Variants in ABCA7 observed in about 807,000 individuals in gnomAD.
ABCA7 encodes ATP binding cassette subfamily A member 7.
A neutral mutation model predicts 227.6 loss-of-function variants in ABCA7; 261 were observed. That is an observed-to-expected ratio of 1.15 (90% CI 1.04 to 1.27). The LOEUF is 1.27. Among genes scored for constraint, ABCA7 ranks in the 50% most tolerant of loss-of-function variants. The pLI is 0.00. For synonymous variants in ABCA7, 1,488 were observed against 1,279.7 expected, an observed-to-expected ratio of 1.16 and a Z score of -3.47; for missense variants, 3,331 against 2,924.5, an observed-to-expected ratio of 1.14 and a Z score of -3.21.
rs2040263147 is a variant in ABCA7, at chr19:1,043,475, T to TG, written c.930+7dup. On this transcript the variant is annotated splice_region_variant and intron_variant, in intron 9 of 46. Transcript: ENST00000263094. ...TTTACCCGGAAGCTCATGGCCCAGGTGGGGGCAGCCTGGATGCTGGGGTGG... is the reference window on the plus strand; with the variant it reads ...TTTACCCGGAAGCTCATGGCCCAGGTGGGGGGCAGCCTGGATGCTGGGGTGG... 1.9e-6 allele frequency: 3 copies of TG among 1,612,580 alleles called. No individual in the cohort carries two copies. Among genetic ancestry groups the TG allele is most frequent in the Non-Finnish European group, 2.5e-6 (3 of 1,179,828 alleles).
At position 1,043,932 on chromosome 19, in the gene ABCA7, C is replaced by A. The variant is rs118021271; in HGVS notation, c.1047+91C>A. On this transcript the variant is annotated intron_variant, in intron 10 of 46. Coordinates refer to ENST00000263094, the MANE Select transcript of ABCA7 (RefSeq NM_019112.4). ...ATGGGAAGGTGGGCTCCGTGCAGAC[C>A]CCCACTTTTTTTTTTTTTTTTTTGA... 4 of 1,059,186 alleles carry A rather than the reference C, an allele frequency of 3.8e-6. No individual in the cohort carries two copies. The African/African-American group carries it at 4.9e-5, about 13-fold the overall frequency. The allele number at this position is 1,059,186 out of a possible 1,614,324, so 65.6% of individuals were successfully genotyped here.
intron 10 of ABCA7, 128 bp from the exon 11 acceptor site, chr19:1,044,449 T>G: frequency 9.1e-7 from 1 of 1,100,862 alleles, no homozygotes; most frequent in East Asian, 2.5e-5. Context: ...GCTTTCACCA[T>G]GTTGGCCAGG....
intron 6 of ABCA7, 165 bp downstream of exon 6, chr19:1,042,562 T>C (rs1331603040): frequency 9.6e-7 from 1 of 1,038,566 alleles, no homozygotes; most frequent in Admixed American, 2.0e-5. Context: ...ACAGAGTGTG[T>C]CTGACCCAGT....
chr19:1,059,071 A>G lies in ABCA7; in HGVS notation c.5449A>G (p.Ile1817Val), dbSNP rs1257579951. 6.2e-7 allele frequency: 1 copy of G among 1,613,310 alleles called. No homozygotes were observed. The highest frequency in any genetic ancestry group is 1.1e-5 in the South Asian group (1 of 90,992). ...MPAVDRLCLGIPPGECFGLLG... is the reference protein window; with the variant it reads ...MPAVDRLCLGVPPGECFGLLG... ...AGCTGTTGACCGCTTGTGCCTGGGG[A>G]TTCCCCCTGGTGAGGTGAGTCCAGG... Residue 1817 changes from isoleucine (I) to valine (V), a missense_variant, in exon 40 of 47, where the codon ATT (isoleucine) becomes GTT (valine). Physicochemically the swap from Ile to Val is conservative, Grantham distance 29. Transcript: ENST00000263094.
chr19:1,052,145 C>T lies in ABCA7; in HGVS notation c.3147+19C>T, dbSNP rs947996808. On this transcript the variant is annotated intron_variant, in intron 22 of 46. Coordinates refer to ENST00000263094, the MANE Select transcript of ABCA7 (RefSeq NM_019112.4). The stretch of plus-strand genomic sequence containing the variant: ...TGAGAAGGTGGGGACCGGCCTTCTC[C>T]TGACCCCTGACCCCCGGGACTCTGT... 11 of 1,610,618 alleles carry T rather than the reference C, an allele frequency of 6.8e-6. No individual in the cohort carries two copies. The highest frequency in any genetic ancestry group is 5.4e-5 in the African/African-American group (4 of 74,666).
In ABCA7 at chr19:1,054,062, C is replaced by CG. The variant is rs2042022122; in HGVS notation, c.3531dup (p.Leu1178AlafsTer23). ...CATTGCTGGCCTAGACGTAACCCTA[C>CG]GGCTCAAGATGCCGCCACAGGAGAC... On this transcript the variant is annotated frameshift_variant, in exon 26 of 47. Transcript: ENST00000263094. LOFTEE classifies it high-confidence loss of function. This position sits in a 1 kb window ranked among gnomAD's most constrained non-coding sequence, Gnocchi z 4.8. The CG allele has an allele frequency of 1.2e-6, 2 of 1,613,198 alleles. No individual in the cohort carries two copies.
rs1174691575 is a variant in ABCA7 at position 1,058,957 on chromosome 19, C to T, written c.5400+17C>T. 5 of 1,610,530 alleles carry T rather than the reference C, an allele frequency of 3.1e-6. No homozygotes were observed. The highest frequency in any genetic ancestry group is 3.4e-6 in the Non-Finnish European group (4 of 1,177,720). ...TTGACCAAGGTAGGTGTGGTCAGGTCGACTGCTGGGTGGGGGGTGCTCCCA... is the reference window on the plus strand; with the variant it reads ...TTGACCAAGGTAGGTGTGGTCAGGTTGACTGCTGGGTGGGGGGTGCTCCCA... On this transcript the variant is annotated intron_variant, in intron 39 of 46. Coordinates refer to ENST00000263094, the MANE Select transcript of ABCA7 (RefSeq NM_019112.4).
chr19:1,054,405 C>A lies in ABCA7; in HGVS notation c.3726+64C>A. On this transcript the variant is annotated intron_variant, in intron 27 of 46. Transcript: ENST00000263094. The surrounding 1 kb of genome is among the most constrained non-coding windows in gnomAD (Gnocchi z 4.8). ...CTGAGTTCCCTACCCTGGCCGTCCA[C>A]TCAGTGGCCTAATCCAAACCCTTAC... 6.4e-7 allele frequency: 1 copy of A among 1,555,638 alleles called. No individual in the cohort carries two copies.
Position 1,056,406 on chromosome 19 carries a change from A to G in ABCA7, c.4493A>G (p.His1498Arg). Reference protein sequence around the residue: ...NRASNAILRAHLPPGPARHAH... With the variant: ...NRASNAILRARLPPGPARHAH... ...GCCAGCAACGCAATCCTCCGTGCTC[A>G]CCTGCCCCCAGGCCCGGCCCGCCAC... Residue 1498 changes from histidine to arginine, a missense_variant, in exon 33 of 47, where the codon CAC becomes CGC. By Grantham distance (29) the His-to-Arg change is conservative (BLOSUM62 0). Transcript: ENST00000263094. This position sits in a 1 kb window ranked among gnomAD's most constrained non-coding sequence, Gnocchi z 4.3. The G allele has an allele frequency of 6.2e-7, 1 of 1,613,070 alleles. No homozygotes were observed. Among genetic ancestry groups the G allele is most frequent in the South Asian group, 1.1e-5 (1 of 91,050 alleles).
At chr19:1,059,637 C>T (rs1391249766) in intron 40 of ABCA7, among the ~76,000 whole-genome samples, 1 of 147,852 alleles carries the variant, frequency 6.8e-6, no homozygotes, top group African/African-American at 2.5e-5. Context: ...GATCTCGGCT[C>T]ACTACAAGCT....
In ABCA7 at chr19:1,056,257, G is replaced by A; in HGVS notation, c.4416+14G>A. ...GACAGTCTCAAGGTGGGAACTGGGG[G>A]GGCAGGTGGGCGTCCTGTCACAGCA... On this transcript the variant is annotated intron_variant, in intron 32 of 46. Coordinates refer to ENST00000263094, the MANE Select transcript of ABCA7 (RefSeq NM_019112.4). This position sits in a 1 kb window ranked among gnomAD's most constrained non-coding sequence, Gnocchi z 4.3. 1 of 1,589,342 alleles carries A rather than the reference G, an allele frequency of 6.3e-7. No individual in the cohort carries two copies. The highest frequency in any genetic ancestry group is 8.6e-7 in the Non-Finnish European group (1 of 1,166,162).
rs747414614 is a variant in ABCA7, at chr19:1,055,340, G to C, written c.4194G>C (p.Leu1398=). ...SDFLVKTYPR[L]VRQGLKTKKW... is the part of the protein sequence containing the mutation. ...TCCTGGTCAAGACCTACCCGCGCCT[G>C]GTGCGCCAGGGGTGAGCCATGCCCT... Residue 1398 remains leucine (L), a synonymous_variant, in exon 30 of 47, where the codon CTG becomes CTC. Coordinates refer to ENST00000263094, the MANE Select transcript of ABCA7 (RefSeq NM_019112.4). 3.0e-5 allele frequency: 48 copies of C among 1,586,032 alleles called. No homozygotes were observed. The highest frequency in any genetic ancestry group is 3.3e-5 in the Non-Finnish European group (38 of 1,168,758).
chr19:1,050,939 C>T lies in ABCA7; in HGVS notation c.2571C>T (p.Leu857=), dbSNP rs748767068. Residue 857 remains leucine, a synonymous_variant, in exon 19 of 47, where the codon CTC becomes CTT. Transcript: ENST00000263094. The part of the protein sequence containing the change: ...KTTTLSILSG[L]FPPSGGSAFI... ...TCCACAGGTCCATCTTGAGTGGCCT[C>T]TTCCCACCCAGTGGTGGCTCTGCCT... 8 of 1,609,566 alleles carry T rather than the reference C, an allele frequency of 5.0e-6. No homozygotes were observed. The highest frequency in any genetic ancestry group is 6.8e-6 in the Non-Finnish European group (8 of 1,178,092).
chr19:1,041,423 A>T lies in ABCA7; in HGVS notation c.62A>T (p.Gln21Leu). 1.2e-6 allele frequency: 2 copies of T among 1,614,016 alleles called. No individual in the cohort carries two copies. The highest frequency in any genetic ancestry group is 1.3e-5 in the African/African-American group (1 of 75,050). ...LWKNFMYRRR[Q>L]PVQLLVELLW... ...AAGAATTTCATGTATCGCCGGAGACAGCCGGTAACGCCCCAGTGTGAGACC... is the reference window on the plus strand; with the variant it reads ...AAGAATTTCATGTATCGCCGGAGACTGCCGGTAACGCCCCAGTGTGAGACC... The change falls in exon 2 of 47, where the codon CAG (glutamine) becomes CTG (leucine). Residue 21 changes from glutamine to leucine, a missense_variant. Transcript: ENST00000263094.
At position 1,056,615 on chromosome 19, in the gene ABCA7, TG is replaced by T; in HGVS notation, c.4586+121del. 1 of 1,329,584 alleles carries T rather than the reference TG, an allele frequency of 7.5e-7. No individual in the cohort carries two copies. Among genetic ancestry groups the T allele is most frequent in the Non-Finnish European group, 1.0e-6 (1 of 978,880 alleles). 82.4% of individuals were successfully genotyped at this position (1,329,584 alleles called of 1,614,324 possible). A position where few individuals can be genotyped will look rare whatever the true frequency, so the allele number is the denominator to read the frequency against. On this transcript the variant is annotated intron_variant, in intron 33 of 46. Transcript: ENST00000263094. The surrounding 1 kb of genome is among the most constrained non-coding windows in gnomAD (Gnocchi z 4.3). ...CCCTGACACACTCTTGCTTTATAAA[TG>T]GGGGATAGAAACTGTTCCTCTGCTC...
intron 30 of ABCA7, 44 bp from the exon 31 acceptor site, chr19:1,055,863 C>T: frequency 6.5e-7 from 1 of 1,529,496 alleles, no homozygotes; most frequent in Non-Finnish European, 8.8e-7. Context: ...CTCTCTCTGT[C>T]CCACATCCCT....
rs1180627025 is a variant in ABCA7, at chr19:1,053,789, T to C, written c.3425T>C (p.Ile1142Thr). 1.2e-6 allele frequency: 2 copies of C among 1,611,838 alleles called. No individual in the cohort carries two copies. The highest frequency in any genetic ancestry group is 2.2e-5 in the East Asian group (1 of 44,820). Reference protein sequence around the residue: ...YGISDTSLEEIFLKVVEECAA... With the variant: ...YGISDTSLEETFLKVVEECAA... ...CTGAGCCCCTGCTTGTCTCCCCAGA[T>C]CTTCCTGAAGGTGGTGGAGGAGTGT... Residue 1142 changes from isoleucine (I) to threonine (T), a missense_variant and splice_region_variant, in exon 25 of 47, where the codon ATC becomes ACC. By Grantham distance (89) the Ile-to-Thr change is moderately conservative (BLOSUM62 -1). Coordinates refer to ENST00000263094, the MANE Select transcript of ABCA7 (RefSeq NM_019112.4).
At chr19:1,045,876 A>G (rs2144721050) in intron 12 of ABCA7, among the ~76,000 whole-genome samples, 1 of 152,180 alleles carries the variant, frequency 6.6e-6, no homozygotes, top group South Asian at 2.1e-4. Flanking sequence ...GCGTGGTAGC[A>G]CGCGCCTGTA....
intron 23 of ABCA7, among the ~76,000 whole-genome samples, chr19:1,052,736 G>A (rs990975982): frequency 6.7e-6 from 1 of 150,190 alleles, no homozygotes; most frequent in African/African-American, 2.5e-5. Context: ...AGGAGAGGAG[G>A]AGGAGAGCAC....
Sources: gnomAD v4.1 joint callset for allele counts (sites outside exome capture counted in the v4.1 genomes callset) on GRCh38, gnomAD v4.1.1 for gene constraint, Gnocchi (gnomAD v3.1) non-coding constraint, MANE v1.5 for transcripts, NCBI Gene and HGNC (gene_info 2026-07-23, HGNC 2026-07-21) for gene names.